DLG2: variants seen among roughly 807,000 people sequenced by gnomAD.
DLG2 encodes discs large MAGUK scaffold protein 2, also known as disks large homolog 2.
Under a neutral mutation model 132.5 loss-of-function variants are expected in DLG2, and 45 were observed. The observed-to-expected ratio is 0.34, with a 90% CI of 0.27 to 0.44. DLG2 has a LOEUF of 0.44. Ranked by LOEUF, DLG2 falls within the 20% of genes least tolerant of loss-of-function variation. The pLI, the probability that DLG2 is intolerant of heterozygous loss-of-function variation, is 1.00. For missense variants in DLG2, 1,045 were observed against 1,196.9 expected, an observed-to-expected ratio of 0.87 and a Z score of 1.87; for synonymous variants, 424 against 419.6, an observed-to-expected ratio of 1.01 and a Z score of -0.13.
chr11:83,897,452 C>T (rs2072094212), intron 15 of DLG2, among the ~76,000 whole-genome samples: 1 of 152,136 alleles, frequency 6.6e-6, no homozygotes, highest in Non-Finnish European at 1.5e-5. Flanking sequence ...AAGAAAACTA[C>T]CAGGACCCAA....
chr11:85,135,064 T>C (rs1004651186), intron 5 of DLG2, among the ~76,000 whole-genome samples: 1 of 152,214 alleles, frequency 6.6e-6, no homozygotes, highest in African/African-American at 2.4e-5. Context: ...TTATTTTAAC[T>C]CAATACTTCC....
rs1555332758 is a variant in DLG2, at chr11:83,689,972, A to ATATAATAATAT, written c.1826-56648_1826-56647insATATTATTATA. On this transcript the variant is annotated intron_variant, in intron 18 of 27. Coordinates refer to ENST00000376104, the MANE Select transcript of DLG2 (RefSeq NM_001142699.3). ...ATATATATTTATATAATATATATTT[A>ATATAATAATAT]TATTATAATATATTTATTATAATAT... Among the ~76,000 whole-genome samples the ATATAATAATAT allele has an allele frequency of 6.6e-3, 523 of 79,438 alleles. 5 individuals are homozygous for ATATAATAATAT. The highest frequency in any genetic ancestry group is 0.021 in the Middle Eastern group (3 of 142). 52.1% of individuals were successfully genotyped at this position (79,438 alleles called of 152,430 possible).
intron 10 of DLG2, among the ~76,000 whole-genome samples, chr11:84,095,534 T>C (rs1014318936): frequency 3.9e-5 from 6 of 152,206 alleles, no homozygotes; most frequent in African/African-American, 1.4e-4. Flanking sequence ...AACCTCAGTG[T>C]TCCTGTCACA....
intron 5 of DLG2, among the ~76,000 whole-genome samples, chr11:85,119,118 C>A (rs1397410840): frequency 1.3e-5 from 2 of 151,724 alleles, no homozygotes; most frequent in African/African-American, 4.8e-5. Flanking sequence ...TACATGAAAG[C>A]GCTTAGCAAA....
At chr11:85,455,450 T>G (rs73491966) in intron 3 of DLG2, among the ~76,000 whole-genome samples, 1 of 152,106 alleles carries the variant, frequency 6.6e-6, no homozygotes, top group African/African-American at 2.4e-5. Flanking sequence ...TGCTAGATAT[T>G]GAATCATGTC....
chr11:83,920,152 A>C (rs2077598775), intron 15 of DLG2, among the ~76,000 whole-genome samples: 1 of 152,044 alleles, frequency 6.6e-6, no homozygotes, highest in South Asian at 2.1e-4. Flanking sequence ...CTCCTTTTAA[A>C]AGCAAGCCAT....
intron 11 of DLG2, among the ~76,000 whole-genome samples, chr11:84,013,489 A>T (rs926158722): frequency 1.3e-5 from 2 of 152,120 alleles, no homozygotes; most frequent in African/African-American, 4.8e-5. Context: ...TATCAGAGTG[A>T]TTGCAGAACG....
chr11:84,518,416 C>G (rs772431780), intron 7 of DLG2, among the ~76,000 whole-genome samples: 1 of 151,880 alleles, frequency 6.6e-6, no homozygotes, highest in Non-Finnish European at 1.5e-5. Context: ...AAGAAAATGC[C>G]GAATGATATA....
At chr11:84,496,296 C>A (rs1194330679) in intron 7 of DLG2, among the ~76,000 whole-genome samples, 1 of 152,144 alleles carries the variant, frequency 6.6e-6, no homozygotes, top group East Asian at 1.9e-4. Context: ...ATGACTACTG[C>A]ATTCTGAGAA....
At chr11:83,849,196 A>C (rs1174937902) in intron 16 of DLG2, among the ~76,000 whole-genome samples, 1 of 151,914 alleles carries the variant, frequency 6.6e-6, no homozygotes, top group Non-Finnish European at 1.5e-5. Context: ...TTTATATCCC[A>C]AAATGGGTAT....
intron 4 of DLG2, among the ~76,000 whole-genome samples, chr11:85,207,264 C>T (rs1249807112): frequency 6.6e-6 from 1 of 152,122 alleles, no homozygotes; most frequent in Non-Finnish European, 1.5e-5. Context: ...CATTCTTTTT[C>T]TAAGAGGAGG....
intron 6 of DLG2, among the ~76,000 whole-genome samples, chr11:84,978,614 G>A (rs1215110601): frequency 6.6e-6 from 1 of 152,154 alleles, no homozygotes; most frequent in African/African-American, 2.4e-5. Context: ...CTAGCCATAT[G>A]TAGAAAGCTG....
rs529096312 is a variant in DLG2 at position 84,983,827 on chromosome 11, G to T, written c.357+127834C>A. Among the ~76,000 whole-genome samples, 12 of 152,252 alleles carry T rather than the reference G, an allele frequency of 7.9e-5. No individual in the cohort carries two copies. The East Asian group carries it at 2.3e-3, about 29-fold the overall frequency. On this transcript the variant is annotated intron_variant, in intron 6 of 27. Transcript: ENST00000376104. The stretch of plus-strand genomic sequence containing the variant: ...ACAGTCAAAACTTCAGGAAATAATG[G>T]ATGCATTTATAGAAATGCAAAATGC...
At chr11:84,911,117 T>C (rs945016180) in intron 6 of DLG2, among the ~76,000 whole-genome samples, 1 of 152,088 alleles carries the variant, frequency 6.6e-6, no homozygotes, top group African/African-American at 2.4e-5. Context: ...CACAAAGTAA[T>C]CCCACATGTT....
At chr11:85,403,360 G>C (rs1299214260) in intron 3 of DLG2, among the ~76,000 whole-genome samples, 1 of 152,020 alleles carries the variant, frequency 6.6e-6, no homozygotes, top group East Asian at 1.9e-4. Context: ...GGCTGGGGGA[G>C]GGATAGCATT....
intron 4 of DLG2, among the ~76,000 whole-genome samples, chr11:85,208,842 G>T (rs533295085): frequency 3.8e-4 from 58 of 152,222 alleles, no homozygotes; most frequent in African/African-American, 1.3e-3. Context: ...ATGGGCAATT[G>T]CAAACAAGGG....
intron 7 of DLG2, among the ~76,000 whole-genome samples, chr11:84,498,004 T>A (rs1276780581): frequency 6.6e-6 from 1 of 152,126 alleles, no homozygotes; most frequent in Non-Finnish European, 1.5e-5. Flanking sequence ...CAAGTACACA[T>A]GAAAGGGCAA....
chr11:84,022,234 C>G (rs2154078535), intron 11 of DLG2, among the ~76,000 whole-genome samples: 1 of 152,222 alleles, frequency 6.6e-6, no homozygotes. Flanking sequence ...TCGGGGCATC[C>G]TTTTCTCTGA....
At chr11:85,323,748 T>C (rs966041299) in intron 3 of DLG2, among the ~76,000 whole-genome samples, 2 of 152,252 alleles carry the variant, frequency 1.3e-5, no homozygotes, top group African/African-American at 2.4e-5. Context: ...AGTGAGAATA[T>C]ACAATACTTG....
Sources: gnomAD v4.1 joint callset for allele counts (sites outside exome capture counted in the v4.1 genomes callset) on GRCh38, gnomAD v4.1.1 for gene constraint, MANE v1.5 for transcripts, NCBI Gene and HGNC (gene_info 2026-07-23, HGNC 2026-07-21) for gene names.